Variants in PCSK1 observed in about 807,000 individuals in gnomAD.
PCSK1 encodes the protein neuroendocrine convertase 1.
A neutral mutation model predicts 90.6 loss-of-function variants in PCSK1; 56 were observed. That is an observed-to-expected ratio of 0.62 (90% CI 0.50 to 0.77). The LOEUF is 0.77. PCSK1 is among the 30% of genes least tolerant of loss of function. The pLI is 0.00. For synonymous variants in PCSK1, 348 were observed against 342.4 expected (o/e 1.02, Z -0.18); for missense variants, 801 against 932.6 (o/e 0.86, Z 1.84).
Position 96,425,005 on chromosome 5 carries a change from AAGAAAAGAAAGAAAGAAAG to A in PCSK1, c.396+796_396+814del, listed in dbSNP as rs1346985686. Among the ~76,000 whole-genome samples, 186 of 128,698 alleles carry A rather than the reference AAGAAAAGAAAGAAAGAAAG, an allele frequency of 1.4e-3. 1 individual carries two copies. Among genetic ancestry groups the A allele is most frequent in the African/African-American group, 6.0e-3 (180 of 30,002 alleles). 84.4% of individuals were successfully genotyped at this position (128,698 alleles called of 152,430 possible). Reference sequence around the variant, plus strand: ...AGAAAGAAAGAAAGAAAGAGAAAGAAAGAAAAGAAAGAAAGAAAGAAAGAAAGAAAGAAAGAAAGAAAGA... The same window carrying A: ...AGAAAGAAAGAAAGAAAGAGAAAGAAAAAGAAAGAAAGAAAGAAAGAAAGA... On this transcript the variant is annotated intron_variant, in intron 3 of 13. Transcript: ENST00000311106.
intron 13 of PCSK1, among the ~76,000 whole-genome samples, chr5:96,393,889 G>C (rs1304929753): frequency 2.6e-5 from 4 of 152,208 alleles, no homozygotes; most frequent in Admixed American, 2.6e-4. Context: ...CTAGGCTGGG[G>C]AGGAGGGAGC....
intron 9 of PCSK1, among the ~76,000 whole-genome samples, chr5:96,401,041 T>G (rs1479663810): frequency 7.3e-6 from 1 of 137,306 alleles, no homozygotes; most frequent in East Asian, 2.2e-4. Context: ...GAGCCAAGAT[T>G]GTGCCACTGC....
At chr5:96,425,056 GAAA>G (rs1561376463) in intron 3 of PCSK1, among the ~76,000 whole-genome samples, 3 of 120,526 alleles carry the variant, frequency 2.5e-5, no homozygotes, top group Admixed American at 2.4e-4. Context: ...AAGAAAGAAA[GAAA>G]GAAAGAAAGA....
Position 96,409,767 on chromosome 5 carries a change from G to C in PCSK1, c.1095+1007C>G, listed in dbSNP as rs117649237. Among the ~76,000 whole-genome samples the C allele has an allele frequency of 5.3e-5, 8 of 152,266 alleles. No individual in the cohort carries two copies. The South Asian group carries it at 1.7e-3, about 32-fold the overall frequency. ...AAATGTGCCTGCCATAAAACCCCTC[G>C]GTAGAATGCCACTGTCTATTACTTG... On this transcript the variant is annotated intron_variant, in intron 8 of 13. Transcript: ENST00000311106.
chr5:96,414,386 G>A (rs1366181657), intron 6 of PCSK1, among the ~76,000 whole-genome samples: 1 of 151,608 alleles, frequency 6.6e-6, no homozygotes, highest in Non-Finnish European at 1.5e-5. Flanking sequence ...TGGAGAGATT[G>A]AGGCCAGGAA....
chr5:96,415,609 T>C (rs1283891127), intron 6 of PCSK1, among the ~76,000 whole-genome samples: 1 of 152,190 alleles, frequency 6.6e-6, no homozygotes, highest in African/African-American at 2.4e-5. Flanking sequence ...ATATAATAAG[T>C]ATGTACTTTT....
intron 9 of PCSK1, among the ~76,000 whole-genome samples, chr5:96,407,140 A>G (rs1379337596): frequency 1.3e-5 from 2 of 152,236 alleles, no homozygotes; most frequent in African/African-American, 4.8e-5. Flanking sequence ...TTCTGAGCAT[A>G]AAAGCAAAGG....
At chr5:96,393,951 T>C (rs1760044551) in intron 13 of PCSK1, among the ~76,000 whole-genome samples, 1 of 152,202 alleles carries the variant, frequency 6.6e-6, no homozygotes. Context: ...AGTGTTTCAA[T>C]ATTCCAACAC....
rs1761559261 is a variant in PCSK1, at chr5:96,433,071, G to C, written c.-29C>G. On this transcript the variant is annotated 5_prime_UTR_variant, in exon 1 of 14. Transcript: ENST00000311106. ...TCACACACTCGCTTGAACAAGAGTG[G>C]GAAGGGAAGAGGAAAAAGAAGCAAG... 1 of 1,607,224 alleles carries C rather than the reference G, an allele frequency of 6.2e-7. No homozygotes were observed. The highest frequency in any genetic ancestry group is 8.5e-7 in the Non-Finnish European group (1 of 1,173,958).
At chr5:96,427,220 G>A (rs17085799) in intron 2 of PCSK1, among the ~76,000 whole-genome samples, 8,268 of 152,180 alleles carry the variant, frequency 0.054, 759 homozygotes, top group African/African-American at 0.19. Context: ...GCAATTTTTT[G>A]GAAATGGGAT....
intron 8 of PCSK1, among the ~76,000 whole-genome samples, chr5:96,409,951 C>A (rs1760698726): frequency 6.6e-6 from 1 of 152,150 alleles, no homozygotes; most frequent in Non-Finnish European, 1.5e-5. Context: ...TGCACGCATT[C>A]CAAGGTCATT....
intron 2 of PCSK1, among the ~76,000 whole-genome samples, chr5:96,426,717 C>T (rs1478941864): frequency 2.0e-5 from 3 of 152,110 alleles, no homozygotes; most frequent in African/African-American, 7.2e-5. Context: ...CTATTTCCTA[C>T]CCCAAACACA....
At chr5:96,412,780 C>A (rs1216316112) in intron 6 of PCSK1, 5 of 225,940 alleles carry the variant, frequency 2.2e-5, no homozygotes, top group African/African-American at 1.9e-4. Context: ...TTTTTTGGTC[C>A]CACTCAAGGC....
chr5:96,402,991 C>A (rs1449729633), intron 9 of PCSK1, among the ~76,000 whole-genome samples: 1 of 152,122 alleles, frequency 6.6e-6, no homozygotes, highest in Non-Finnish European at 1.5e-5. Flanking sequence ...CTTATCAAGG[C>A]AGTCAATGGG....
chr5:96,419,241 T>C (rs1761037228), intron 5 of PCSK1, among the ~76,000 whole-genome samples: 1 of 151,038 alleles, frequency 6.6e-6, no homozygotes, highest in Admixed American at 6.6e-5. Context: ...GATATAGATA[T>C]AGATAAATAA....
In PCSK1 at chr5:96,423,377, C is replaced by T; in HGVS notation, c.479G>A (p.Gly160Glu). 3.1e-6 allele frequency: 5 copies of T among 1,614,010 alleles called. No individual in the cohort carries two copies. The highest frequency in any genetic ancestry group is 1.1e-5 in the South Asian group (1 of 91,046). ...ATCATCCAGTACGGTGATAACAACT[C>T]CTTTGCCCGTAATGCCTTTTTGCCA... ...PVWQKGITGKGVVITVLDDGL... is the reference protein window; with the variant it reads ...PVWQKGITGKEVVITVLDDGL... The change falls in exon 4 of 14, where the codon GGA becomes GAA. Residue 160 changes from glycine to glutamate, a missense_variant. Coordinates refer to ENST00000311106, the MANE Select transcript of PCSK1 (RefSeq NM_000439.5).
At chr5:96,426,401 A>C (rs1382116851) in intron 2 of PCSK1, among the ~76,000 whole-genome samples, 1 of 152,164 alleles carries the variant, frequency 6.6e-6, no homozygotes, top group African/African-American at 2.4e-5. Context: ...CAAATATTTT[A>C]TAAAGTAAGA....
Position 96,391,811 on chromosome 5 carries a change from A to T in PCSK1, c.*1190T>A, listed in dbSNP as rs758255839. 1.3e-5 allele frequency: 2 copies of T among 152,144 alleles called. No individual in the cohort carries two copies. Among genetic ancestry groups the T allele is most frequent in the Non-Finnish European group, 2.9e-5 (2 of 68,032 alleles). 9.4% of individuals were successfully genotyped at this position (152,144 alleles called of 1,614,324 possible). A position where few individuals can be genotyped will look rare whatever the true frequency, so the allele number is the denominator to read the frequency against. On this transcript the variant is annotated 3_prime_UTR_variant, in exon 14 of 14. Coordinates refer to ENST00000311106, the MANE Select transcript of PCSK1 (RefSeq NM_000439.5). ...GTGAAACATCATATTTTCAATAACC[A>T]CTCATATTTTAAAAACATTCTGCAT... is the stretch of plus-strand genomic sequence containing the variant.
intron 7 of PCSK1, among the ~76,000 whole-genome samples, chr5:96,411,255 A>G (rs1011292040): frequency 1.3e-5 from 2 of 152,238 alleles, no homozygotes; most frequent in Non-Finnish European, 2.9e-5. Flanking sequence ...TTCATAATCT[A>G]GCGTTTTGCA....
Sources: allele counts gnomAD v4.1 joint callset (sites outside exome capture counted in the v4.1 genomes callset), GRCh38; gene constraint gnomAD v4.1.1; transcripts MANE v1.5; gene names NCBI Gene and HGNC (gene_info 2026-07-23, HGNC 2026-07-21).